The following VPS53 variants were observed in gnomAD, a reference collection of about 807,000 sequenced individuals.
VPS53 encodes the protein VPS53 subunit of GARP complex.
VPS53 carries 70 observed loss-of-function variants against 107.0 expected under a neutral mutation model. The ratio of observed to expected loss-of-function variants is 0.65; its 90% CI spans 0.54 to 0.80. The LOEUF is 0.80. Among genes scored for constraint, VPS53 ranks in the 30% least tolerant of loss-of-function variants. VPS53 has a pLI of 0.00. For synonymous variants in VPS53, 409 were observed against 393.3 expected (o/e 1.04, Z -0.47); for missense variants, 917 against 1,049.4 (o/e 0.87, Z 1.74).
Position 655,840 on chromosome 17 carries a change from G to C in VPS53, c.486C>G (p.Leu162=). 1 of 1,612,432 alleles carries C rather than the reference G, an allele frequency of 6.2e-7. No homozygotes were observed. The highest frequency in any genetic ancestry group is 1.1e-5 in the South Asian group (1 of 90,780). The part of the protein sequence containing the change: ...LHMLAGGVDS[L]EAMTRRRQYG... ...AAGAGAAAGTTGGCATTGCTTACTC[G>C]AGGGAGTCGACACCTCCTGCCAGCA... Residue 162 remains leucine, a splice_region_variant and synonymous_variant, in exon 6 of 22, where the codon CTC becomes CTG. Coordinates refer to ENST00000437048, the MANE Select transcript of VPS53 (RefSeq NM_001128159.3).
intron 17 of VPS53, 48 bp downstream of exon 17, chr17:551,824 T>G: frequency 3.6e-5 from 55 of 1,508,150 alleles, no homozygotes; most frequent in Non-Finnish European, 4.9e-5. Flanking sequence ...AGAAGCCACC[T>G]TGGGCTGCTC....
chr17:558,516 C>A (rs1165852277), intron 15 of VPS53, among the ~76,000 whole-genome samples: 1 of 152,146 alleles, frequency 6.6e-6, no homozygotes, highest in Non-Finnish European at 1.5e-5. Context: ...AACCCGTAGT[C>A]CCAGCTACTC....
intron 13 of VPS53, among the ~76,000 whole-genome samples, chr17:572,305 G>C (rs1253406912): frequency 6.6e-6 from 1 of 150,554 alleles, no homozygotes; most frequent in African/African-American, 2.5e-5. Flanking sequence ...CCCTCTGCCC[G>C]GCAACCGCCC....
intron 15 of VPS53, among the ~76,000 whole-genome samples, chr17:554,207 T>C (rs1912128120): frequency 6.6e-6 from 1 of 152,096 alleles, no homozygotes; most frequent in South Asian, 2.1e-4. Context: ...ATTAAGGCAT[T>C]GGGGATACAG....
At chr17:563,341 G>A (rs1220673485) in intron 13 of VPS53, among the ~76,000 whole-genome samples, 2 of 145,454 alleles carry the variant, frequency 1.4e-5, no homozygotes, top group Non-Finnish European at 3.0e-5. Context: ...GTTGGCCCAG[G>A]CTGGAGTGCA....
intron 4 of VPS53, among the ~76,000 whole-genome samples, chr17:677,835 C>A (rs1567732796): frequency 6.6e-6 from 1 of 151,878 alleles, no homozygotes; most frequent in Admixed American, 6.6e-5. Context: ...AGAAAAAAAA[C>A]CAGGCCAGGT....
intron 13 of VPS53, among the ~76,000 whole-genome samples, chr17:573,474 G>T (rs1459597152): frequency 6.6e-6 from 1 of 152,100 alleles, no homozygotes; most frequent in Non-Finnish European, 1.5e-5. Flanking sequence ...TTGGCAGGTG[G>T]GAGGCTGGGG....
At chr17:631,031 C>T (rs1212958283) in intron 8 of VPS53, among the ~76,000 whole-genome samples, 2 of 152,054 alleles carry the variant, frequency 1.3e-5, no homozygotes, top group African/African-American at 4.8e-5. Flanking sequence ...ATGCTGTGGG[C>T]TTTGCAGACA....
chr17:691,331 A>G lies in VPS53; in HGVS notation c.285+6087T>C, dbSNP rs940853291. 2.6e-5 allele frequency among the ~76,000 whole-genome samples: 4 copies of G among 152,228 alleles called. No individual in the cohort carries two copies. The East Asian group carries it at 5.8e-4, about 22-fold the overall frequency. ...AAAGGAGTTTCTCACAACTAAAGCT[A>G]TAAAACTGAACTAGTCTGTCCTGTG... On this transcript the variant is annotated intron_variant, in intron 4 of 21. Coordinates refer to ENST00000437048, the MANE Select transcript of VPS53 (RefSeq NM_001128159.3).
At chr17:566,718 GTGTTTTTTT>G (rs1913548502) in intron 13 of VPS53, among the ~76,000 whole-genome samples, 1 of 151,718 alleles carries the variant, frequency 6.6e-6, no homozygotes, top group Admixed American at 6.6e-5. Flanking sequence ...TCTGACATGG[GTGTTTTTTT>G]TGTTTTTTTT....
At chr17:547,303 A>G (rs993730145) in intron 17 of VPS53, among the ~76,000 whole-genome samples, 1 of 152,220 alleles carries the variant, frequency 6.6e-6, no homozygotes, top group African/African-American at 2.4e-5. Context: ...TGAATAAACA[A>G]AATGTGGTCT....
intron 15 of VPS53, among the ~76,000 whole-genome samples, chr17:558,376 G>A (rs1912631815): frequency 6.6e-6 from 1 of 152,038 alleles, no homozygotes; most frequent in African/African-American, 2.4e-5. Context: ...GCTCACGTCT[G>A]TAATCCCAGC....
intron 13 of VPS53, among the ~76,000 whole-genome samples, chr17:569,917 A>G (rs1472148355): frequency 1.3e-5 from 2 of 151,428 alleles, no homozygotes; most frequent in African/African-American, 4.9e-5. Flanking sequence ...AAAAAAAAAA[A>G]GAAGAAAAAT....
At chr17:643,237 AGGACAACACTCATACTTGGAAAGTG>A (rs1310582293) in intron 7 of VPS53, among the ~76,000 whole-genome samples, 716 of 25,408 alleles carry the variant, frequency 0.028, 190 homozygotes, top group South Asian at 0.089. Flanking sequence ...TTGGAAACCG[AGGACAACACTCATACTTGGAAAGTG>A]AGGACAACAC....
In VPS53 at chr17:710,577, A is replaced by T; in HGVS notation, c.124T>A (p.Phe42Ile). ...PSQDPLDRAD[F>I]NAVEYINTLF... ...GTATTGATATACTCAACAGCATTGA[A>T]ATCTGCTCGATCTAGAGGGTCCTGG... The change falls in exon 2 of 22, where the codon TTC becomes ATC. Residue 42 changes from phenylalanine (F) to isoleucine (I), a missense_variant. Physicochemically the swap from Phe to Ile is conservative, Grantham distance 21 (BLOSUM62 0). Coordinates refer to ENST00000437048, the MANE Select transcript of VPS53 (RefSeq NM_001128159.3). The T allele has an allele frequency of 6.2e-7, 1 of 1,614,100 alleles. No homozygotes were observed. The highest frequency in any genetic ancestry group is 8.5e-7 in the Non-Finnish European group (1 of 1,179,978).
At chr17:623,466 T>C in intron 11 of VPS53, 67 bp downstream of exon 11, 1 of 1,554,376 alleles carries the variant, frequency 6.4e-7, no homozygotes. Context: ...CACCATACAG[T>C]GAAACCCTGA....
intron 19 of VPS53, chr17:523,132 G>T (rs1416019483): frequency 6.5e-6 from 1 of 152,790 alleles, no homozygotes; most frequent in African/African-American, 2.4e-5. Flanking sequence ...TCCCTGGGTG[G>T]TTTTGGTGAC....
At position 519,198 on chromosome 17, in the gene VPS53, G is replaced by A. The variant is rs534144942; in HGVS notation, c.2429C>T (p.Thr810Met). Residue 810 changes from threonine (T) to methionine (M), a missense_variant, in exon 22 of 22, where the codon ACG becomes ATG. Physicochemically the swap from Thr to Met is moderately conservative, Grantham distance 81. Coordinates refer to ENST00000437048, the MANE Select transcript of VPS53 (RefSeq NM_001128159.3). This position sits in a 1 kb window ranked among gnomAD's most constrained non-coding sequence, Gnocchi z 5.0. ...GAESSGSLSL[T>M]APTPEQESSR... ...CGACTCTTGCTCTGGTGTTGGCGCC[G>A]TCAGGGACAGTGAGCCGGAGCTTTC... The A allele has an allele frequency of 1.7e-5, 26 of 1,549,008 alleles. No homozygotes were observed. Among genetic ancestry groups the A allele is most frequent in the African/African-American group, 8.2e-5 (6 of 72,994 alleles).
intron 4 of VPS53, among the ~76,000 whole-genome samples, chr17:695,674 T>A (rs572528483): frequency 1.2e-4 from 19 of 152,130 alleles, no homozygotes; most frequent in African/African-American, 4.6e-4. Context: ...CTCGGCCTCC[T>A]CAGTAGCTGG....
Sources: gnomAD v4.1 joint callset for allele counts (sites outside exome capture counted in the v4.1 genomes callset) on GRCh38, gnomAD v4.1.1 for gene constraint, Gnocchi (gnomAD v3.1) non-coding constraint, MANE v1.5 for transcripts, NCBI Gene and HGNC (gene_info 2026-07-23, HGNC 2026-07-21) for gene names.